Variants in APAF1 observed in about 807,000 individuals in gnomAD.
APAF1 encodes apoptotic peptidase activating factor 1, also known as apoptotic protease-activating factor 1.
In APAF1, 91 loss-of-function variants were observed where a neutral mutation model predicts 152.4. The observed-to-expected ratio is 0.60, with a 90% CI of 0.50 to 0.71. The LOEUF (loss-of-function observed/expected upper bound fraction) is 0.71. Ranked by LOEUF, APAF1 falls within the 30% of genes least tolerant of loss-of-function variation. APAF1 has a pLI of 0.00. For synonymous variants in APAF1, 484 were observed against 494.1 expected, an observed-to-expected ratio of 0.98 and a Z score of 0.27; for missense variants, 1,283 against 1,472.0, an observed-to-expected ratio of 0.87 and a Z score of 2.10.
chr12:98,654,664 C>T (rs181404427), intron 4 of APAF1, among the ~76,000 whole-genome samples: 2 of 152,158 alleles, frequency 1.3e-5, no homozygotes, highest in Admixed American at 1.3e-4. Flanking sequence ...GCCTCGGCCT[C>T]CCAAAGTTCT....
Position 98,735,252 on chromosome 12 carries a change from T to A in APAF1, c.*2686T>A. Reference sequence around the variant, plus strand: ...TTTTCCCTTGCTGTATTTTTTTGTATTATAAATTACATTGGACTTCATATA... The same window carrying A: ...TTTTCCCTTGCTGTATTTTTTTGTAATATAAATTACATTGGACTTCATATA... On this transcript the variant is annotated 3_prime_UTR_variant, in exon 27 of 27. Transcript: ENST00000551964. 1 of 399,444 alleles carries A rather than the reference T, an allele frequency of 2.5e-6. No individual in the cohort carries two copies. Among genetic ancestry groups the A allele is most frequent in the Non-Finnish European group, 4.4e-6 (1 of 226,640 alleles). The allele number at this position is 399,444 out of a possible 1,614,324, so 24.7% of individuals were successfully genotyped here. A position where few individuals can be genotyped will look rare whatever the true frequency, so the allele number is the denominator to read the frequency against.
Position 98,671,731 on chromosome 12 carries a change from A to G in APAF1, c.1793+12A>G, listed in dbSNP as rs567207071. On this transcript the variant is annotated intron_variant, in intron 12 of 26. Coordinates refer to ENST00000551964, the MANE Select transcript of APAF1 (RefSeq NM_181861.2). ...TACCTGGAATGGATGTAAGTAGGTT[A>G]GGAGAGAAACCAAAGGGAGTGGTGC... 4.3e-6 allele frequency: 7 copies of G among 1,613,702 alleles called. No individual in the cohort carries two copies. Among genetic ancestry groups the G allele is most frequent in the South Asian group, 1.1e-5 (1 of 91,076 alleles).
In APAF1 at chr12:98,723,717, C is replaced by G. The variant is rs759382270; in HGVS notation, c.3283C>G (p.His1095Asp). Residue 1095 changes from histidine to aspartate, a missense_variant, in exon 24 of 27, where the codon CAC becomes GAC. His to Asp is a moderately conservative substitution (Grantham distance 81, BLOSUM62 -1). Coordinates refer to ENST00000551964, the MANE Select transcript of APAF1 (RefSeq NM_181861.2). The stretch of plus-strand genomic sequence containing the variant: ...TACAGTACTTTCTTGTGACATTTCT[C>G]ACGATGCTACCAAGTTTTCATCTAC... ...QGTVLSCDIS[H>D]DATKFSSTSA... 6.2e-7 allele frequency: 1 copy of G among 1,613,116 alleles called. No individual in the cohort carries two copies. The highest frequency in any genetic ancestry group is 8.5e-7 in the Non-Finnish European group (1 of 1,179,668).
chr12:98,664,781 C>T (rs1324238454), intron 7 of APAF1, among the ~76,000 whole-genome samples: 3 of 152,142 alleles, frequency 2.0e-5, no homozygotes, highest in Non-Finnish European at 4.4e-5. Context: ...GCAATCCTCC[C>T]ACCTCAGCCT....
At chr12:98,718,713 A>C (rs1362145633) in intron 22 of APAF1, among the ~76,000 whole-genome samples, 1 of 151,784 alleles carries the variant, frequency 6.6e-6, no homozygotes, top group Non-Finnish European at 1.5e-5. Context: ...AGGTGGGAGG[A>C]TTGCTTGAGG....
At chr12:98,701,758 C>G (rs1012866069) in intron 17 of APAF1, among the ~76,000 whole-genome samples, 44 of 152,216 alleles carry the variant, frequency 2.9e-4, no homozygotes, top group African/African-American at 1.0e-3. Flanking sequence ...TGTTCCTTAA[C>G]TGCATGTAGA....
chr12:98,706,124 A>G (rs1452758287), intron 18 of APAF1, among the ~76,000 whole-genome samples: 3 of 152,192 alleles, frequency 2.0e-5, no homozygotes, highest in African/African-American at 7.2e-5. Flanking sequence ...AGTAGTGTAT[A>G]GTATATAGAC....
intron 9 of APAF1, 24 bp downstream of exon 9, chr12:98,666,381 T>C (rs1488120526): frequency 6.2e-7 from 1 of 1,602,650 alleles, no homozygotes; most frequent in African/African-American, 1.3e-5. Flanking sequence ...GGTTTACTTT[T>C]TTTTTTCCTT....
At chr12:98,660,599 A>G (rs1186027255) in intron 5 of APAF1, among the ~76,000 whole-genome samples, 2 of 152,226 alleles carry the variant, frequency 1.3e-5, no homozygotes, top group African/African-American at 4.8e-5. Context: ...TCTTAAGAGT[A>G]TAACCTTGGA....
chr12:98,713,707 T>G (rs1429555414), intron 21 of APAF1, among the ~76,000 whole-genome samples: 2 of 152,260 alleles, frequency 1.3e-5, no homozygotes, highest in African/African-American at 2.4e-5. Context: ...CTCTCACTTT[T>G]TCTCACCAGG....
chr12:98,668,117 A>G (rs1049933944), intron 10 of APAF1, among the ~76,000 whole-genome samples: 1 of 151,876 alleles, frequency 6.6e-6, no homozygotes, highest in Non-Finnish European at 1.5e-5. Context: ...TAAATTTACC[A>G]CTGTTGTTGT....
At chr12:98,700,993 G>GT (rs746177196) in intron 17 of APAF1, among the ~76,000 whole-genome samples, 84 of 146,750 alleles carry the variant, frequency 5.7e-4, no homozygotes, top group Middle Eastern at 3.5e-3. Flanking sequence ...TTTTTTCTTT[G>GT]TTTTTTTTTT....
intron 16 of APAF1, among the ~76,000 whole-genome samples, chr12:98,691,582 G>A (rs1377299802): frequency 6.6e-6 from 1 of 152,032 alleles, no homozygotes; most frequent in African/African-American, 2.4e-5. Context: ...TAAAAATCCA[G>A]TTTTATTTTC....
chr12:98,681,135 C>G (rs576362691), intron 14 of APAF1, among the ~76,000 whole-genome samples: 1 of 152,296 alleles, frequency 6.6e-6, no homozygotes, highest in South Asian at 2.1e-4. Flanking sequence ...AATCTCGGCT[C>G]ACTGCAATCT....
intron 10 of APAF1, among the ~76,000 whole-genome samples, chr12:98,670,112 T>G (rs1169271214): frequency 1.3e-5 from 2 of 151,974 alleles, no homozygotes; most frequent in Non-Finnish European, 1.5e-5. Context: ...ACCCGGCTAA[T>G]TTTTGTATGT....
chr12:98,731,078 T>C lies in APAF1; in HGVS notation c.3601-1342T>C, dbSNP rs144824950. ...GGAGAGTGGGCTTTTGGCCTTGAGATAGGCTGCCTGAGTTCAAAGCCTGCC... is the reference window on the plus strand; with the variant it reads ...GGAGAGTGGGCTTTTGGCCTTGAGACAGGCTGCCTGAGTTCAAAGCCTGCC... On this transcript the variant is annotated intron_variant, in intron 26 of 26. Transcript: ENST00000551964. Among the ~76,000 whole-genome samples the C allele has an allele frequency of 1.7e-4, 26 of 152,318 alleles. 1 individual carries two copies. In the East Asian group the frequency reaches 5.0e-3, roughly 29 times the overall value.
intron 21 of APAF1, 169 bp downstream of exon 21, chr12:98,712,604 CCTT>C: frequency 1.7e-6 from 1 of 594,106 alleles, no homozygotes; most frequent in East Asian, 3.0e-5. Context: ...GCAGCCTTGA[CCTT>C]CTGAGCTCAA....
chr12:98,693,823 GCTTA>G (rs1384208800), intron 16 of APAF1, among the ~76,000 whole-genome samples: 1 of 146,720 alleles, frequency 6.8e-6, no homozygotes, highest in Non-Finnish European at 1.5e-5. Flanking sequence ...TTCTTTCTTG[GCTTA>G]CTTTTTCAGC....
rs775647653 is a variant in APAF1 at position 98,666,290 on chromosome 12, C to G, written c.1295C>G (p.Ser432Trp). The G allele has an allele frequency of 2.5e-6, 4 of 1,613,600 alleles. No homozygotes were observed. Among genetic ancestry groups the G allele is most frequent in the Non-Finnish European group, 3.4e-6 (4 of 1,179,814 alleles). The change falls in exon 9 of 27, where the codon TCG (serine) becomes TGG (tryptophan). Residue 432 changes from serine (S) to tryptophan (W), a missense_variant. Transcript: ENST00000551964. ...SLLFCDRNGK[S>W]FRYYLHDLQV... ...TTATTCTGTGATCGGAATGGAAAGTCGTTTCGTTATTATTTACATGATCTT... is the reference window on the plus strand; with the variant it reads ...TTATTCTGTGATCGGAATGGAAAGTGGTTTCGTTATTATTTACATGATCTT...
Sources: allele counts gnomAD v4.1 joint callset (sites outside exome capture counted in the v4.1 genomes callset), GRCh38; gene constraint gnomAD v4.1.1; transcripts MANE v1.5; gene names NCBI Gene and HGNC (gene_info 2026-07-23, HGNC 2026-07-21).